CNTN4: variants seen among roughly 807,000 people sequenced by gnomAD.
CNTN4 encodes the protein contactin-4.
A neutral mutation model predicts 122.5 loss-of-function variants in CNTN4; 77 were observed. That is an observed-to-expected ratio of 0.63 (90% CI 0.52 to 0.76). The LOEUF (loss-of-function observed/expected upper bound fraction) is 0.76. CNTN4 is among the 30% of genes least tolerant of loss of function. CNTN4 has a pLI of 0.00. For missense variants in CNTN4, 1,256 were observed against 1,259.1 expected (o/e 1.00, Z 0.04); for synonymous variants, 512 against 447.0 (o/e 1.15, Z -1.83).
chr3:2,128,844 ATG>A (rs2034308360), intron 2 of CNTN4, among the ~76,000 whole-genome samples: 1 of 152,208 alleles, frequency 6.6e-6, no homozygotes, highest in Non-Finnish European at 1.5e-5. Context: ...TCATCAATAA[ATG>A]TGTTTCCTCA....
chr3:2,265,881 T>G, intron 2 of CNTN4, among the ~76,000 whole-genome samples: 1 of 152,044 alleles, frequency 6.6e-6, no homozygotes, highest in Non-Finnish European at 1.5e-5. Context: ...TCTCTGCTAG[T>G]GTACTGAAAC....
At chr3:2,452,941 C>G (rs2048881761) in intron 3 of CNTN4, among the ~76,000 whole-genome samples, 1 of 152,002 alleles carries the variant, frequency 6.6e-6, no homozygotes, top group African/African-American at 2.4e-5. Context: ...TAATACTGGC[C>G]TTCATTATTG....
intron 2 of CNTN4, among the ~76,000 whole-genome samples, chr3:2,230,455 C>T (rs115045898): frequency 2.8e-3 from 424 of 152,278 alleles, no homozygotes; most frequent in African/African-American, 9.9e-3. Context: ...ATTTCAACAC[C>T]GTGCTGGGCA....
intron 3 of CNTN4, among the ~76,000 whole-genome samples, chr3:2,557,085 C>A (rs1194400154): frequency 6.6e-6 from 1 of 152,150 alleles, no homozygotes; most frequent in Non-Finnish European, 1.5e-5. Flanking sequence ...TAGCGTCAGT[C>A]TCAAAATTCA....
At position 2,238,047 on chromosome 3, in the gene CNTN4, C is replaced by A. The variant is rs60206105; in HGVS notation, c.-144-101131C>A. On this transcript the variant is annotated intron_variant, in intron 2 of 24. Coordinates refer to ENST00000418658, the MANE Select transcript of CNTN4 (RefSeq NM_175607.3). ...GACGTTTTTATAAAACCAGTGATAC[C>A]CCTGGAAAGTAATTGACTAAAGAAA... is the stretch of plus-strand genomic sequence containing the variant. Among the ~76,000 whole-genome samples, 294 of 151,566 alleles carry A rather than the reference C, an allele frequency of 1.9e-3. 1 individual carries two copies. The highest frequency in any genetic ancestry group is 6.9e-3 in the African/African-American group (285 of 41,384).
intron 2 of CNTN4, among the ~76,000 whole-genome samples, chr3:2,259,583 C>G (rs747271314): frequency 6.6e-6 from 1 of 152,260 alleles, no homozygotes; most frequent in East Asian, 1.9e-4. Context: ...GCAAAAGGCA[C>G]ATCTTACATG....
At position 2,463,918 on chromosome 3, in the gene CNTN4, T is replaced by C. The variant is rs145297974; in HGVS notation, c.-88-107498T>C. On this transcript the variant is annotated intron_variant, in intron 3 of 24. Coordinates refer to ENST00000418658, the MANE Select transcript of CNTN4 (RefSeq NM_175607.3). ...CCTTTATATGTGAAGTGGATTCTTATGACCTAGAACCAGAACAAGTGTGTT... is the reference window on the plus strand; with the variant it reads ...CCTTTATATGTGAAGTGGATTCTTACGACCTAGAACCAGAACAAGTGTGTT... Among the ~76,000 whole-genome samples, 239 of 152,306 alleles carry C rather than the reference T, an allele frequency of 1.6e-3. 2 individuals are homozygous for C. Among genetic ancestry groups the C allele is most frequent in the African/African-American group, 5.3e-3 (221 of 41,572 alleles).
At chr3:2,307,249 C>A (rs1575330922) in intron 2 of CNTN4, among the ~76,000 whole-genome samples, 1 of 152,138 alleles carries the variant, frequency 6.6e-6, no homozygotes, top group Admixed American at 6.5e-5. Flanking sequence ...TCCTGGCTAA[C>A]ACGGTGAAAC....
rs186301589 is a variant in CNTN4, at chr3:2,686,490, T to G, written c.56-49725T>G. ...CAGCTCCAAATCTCTATGCCCTTTT[T>G]CCTTTTTCTCTTTTCCTTCTTCTCA... On this transcript the variant is annotated intron_variant, in intron 4 of 24. Transcript: ENST00000418658. Among the ~76,000 whole-genome samples the G allele has an allele frequency of 5.6e-4, 86 of 152,276 alleles. 1 individual carries two copies. The highest frequency in any genetic ancestry group is 2.0e-3 in the African/African-American group (85 of 41,558).
intron 4 of CNTN4, among the ~76,000 whole-genome samples, chr3:2,670,978 G>C (rs1220675813): frequency 6.6e-6 from 1 of 152,194 alleles, no homozygotes; most frequent in Non-Finnish European, 1.5e-5. Flanking sequence ...AGTCTGATGG[G>C]CTTCCCTTTG....
chr3:2,589,150 G>C (rs1319736716), intron 4 of CNTN4, among the ~76,000 whole-genome samples: 1 of 152,130 alleles, frequency 6.6e-6, no homozygotes, highest in Non-Finnish European at 1.5e-5. Flanking sequence ...CTAGAACAGC[G>C]ATGGCCTGGC....
Position 2,120,368 on chromosome 3 carries a change from T to C in CNTN4, c.-145+19729T>C, listed in dbSNP as rs1471114073. Among the ~76,000 whole-genome samples the C allele has an allele frequency of 6.1e-5, 3 of 49,206 alleles. No homozygotes were observed. The Admixed American group carries it at 1.0e-3, about 17-fold the overall frequency. 32.3% of individuals were successfully genotyped at this position (49,206 alleles called of 152,430 possible). On this transcript the variant is annotated intron_variant, in intron 2 of 24. Coordinates refer to ENST00000418658, the MANE Select transcript of CNTN4 (RefSeq NM_175607.3). ...CATTTAGGTTATATATATATATATA[T>C]ATATAAATATATATATATATATATA...
chr3:2,852,584 G>T (rs1362590407), intron 7 of CNTN4, among the ~76,000 whole-genome samples: 1 of 152,116 alleles, frequency 6.6e-6, no homozygotes, highest in Admixed American at 6.5e-5. Context: ...CTACAGTATT[G>T]CACGTGATCC....
chr3:2,235,861 C>T (rs1447940147), intron 2 of CNTN4, among the ~76,000 whole-genome samples: 1 of 152,026 alleles, frequency 6.6e-6, no homozygotes, highest in Non-Finnish European at 1.5e-5. Context: ...AGGCATTGTT[C>T]TAAGTGCTGG....
At chr3:2,597,841 C>G (rs1204462285) in intron 4 of CNTN4, among the ~76,000 whole-genome samples, 1 of 152,158 alleles carries the variant, frequency 6.6e-6, no homozygotes, top group Non-Finnish European at 1.5e-5. Context: ...AATCATGTGA[C>G]TAGAATGTAG....
intron 4 of CNTN4, among the ~76,000 whole-genome samples, chr3:2,724,078 C>G (rs1243484506): frequency 6.6e-6 from 1 of 152,118 alleles, no homozygotes; most frequent in East Asian, 1.9e-4. Flanking sequence ...AAAGAGGATA[C>G]ATAGGGGTTA....
chr3:2,818,027 G>T (rs1576917008), intron 6 of CNTN4, among the ~76,000 whole-genome samples: 1 of 152,270 alleles, frequency 6.6e-6, no homozygotes, highest in East Asian at 1.9e-4. Flanking sequence ...GAGTATGTGT[G>T]TGTCCTTCAT....
Position 2,283,275 on chromosome 3 carries a change from G to A in CNTN4, c.-144-55903G>A, listed in dbSNP as rs936116761. ...AAGAGCATTGTAAGTCTCAATTTCAGGGAGAATTGACCATAATTGACAAAA... is the reference window on the plus strand; with the variant it reads ...AAGAGCATTGTAAGTCTCAATTTCAAGGAGAATTGACCATAATTGACAAAA... On this transcript the variant is annotated intron_variant, in intron 2 of 24. Transcript: ENST00000418658. 1.6e-4 allele frequency among the ~76,000 whole-genome samples: 25 copies of A among 152,060 alleles called. 1 individual carries two copies. The highest frequency in any genetic ancestry group is 3.5e-4 in the Non-Finnish European group (24 of 67,972).
intron 6 of CNTN4, among the ~76,000 whole-genome samples, chr3:2,764,068 A>T (rs2090726157): frequency 6.6e-6 from 1 of 152,116 alleles, no homozygotes; most frequent in African/African-American, 2.4e-5. Context: ...ATTTCAAGTG[A>T]GGAGAAAACA....
Sources: gnomAD v4.1 joint callset for allele counts (sites outside exome capture counted in the v4.1 genomes callset) on GRCh38, gnomAD v4.1.1 for gene constraint, MANE v1.5 for transcripts, NCBI Gene and HGNC (gene_info 2026-07-23, HGNC 2026-07-21) for gene names.